The following MDFIC variants were observed in gnomAD, a reference collection of about 807,000 sequenced individuals.
MDFIC encodes the protein MyoD family inhibitor domain containing.
MDFIC carries 17 observed loss-of-function variants against 23.2 expected under a neutral mutation model. That is an observed-to-expected ratio of 0.73 (90% CI 0.50 to 1.10). The LOEUF (loss-of-function observed/expected upper bound fraction) is 1.10, where lower values mean the gene tolerates loss of function less well. Ranked by LOEUF, MDFIC falls within the 50% of genes least tolerant of loss-of-function variation. MDFIC has a pLI of 0.00. For synonymous variants in MDFIC, 120 were observed against 115.2 expected, an observed-to-expected ratio of 1.04 and a Z score of -0.27; for missense variants, 356 against 316.6, an observed-to-expected ratio of 1.12 and a Z score of -0.95.
At chr7:114,946,749 T>C (rs1007732550) in intron 3 of MDFIC, among the ~76,000 whole-genome samples, 2 of 152,192 alleles carry the variant, frequency 1.3e-5, no homozygotes, top group African/African-American at 2.4e-5. Context: ...CTCACCCTTA[T>C]GGAGCTGCCG....
intron 3 of MDFIC, among the ~76,000 whole-genome samples, chr7:114,964,160 G>A (rs1328390296): frequency 2.6e-5 from 4 of 152,078 alleles, no homozygotes; most frequent in African/African-American, 9.7e-5. Flanking sequence ...TTAATGTGAG[G>A]TCTATGGTGA....
chr7:114,939,529 T>C (rs1792497249), intron 2 of MDFIC, among the ~76,000 whole-genome samples: 1 of 152,194 alleles, frequency 6.6e-6, no homozygotes, highest in African/African-American at 2.4e-5. Flanking sequence ...GAAACTTTCT[T>C]AAAAATGTGA....
intron 4 of MDFIC, among the ~76,000 whole-genome samples, chr7:114,997,390 G>GCTT (rs780869992): frequency 1.3e-5 from 2 of 151,800 alleles, no homozygotes; most frequent in Non-Finnish European, 2.9e-5. Context: ...TTGTAGGGGA[G>GCTT]TGTATGTGCA....
intron 4 of MDFIC, among the ~76,000 whole-genome samples, chr7:115,006,138 C>T (rs1166198852): frequency 6.6e-6 from 1 of 152,120 alleles, no homozygotes; most frequent in Admixed American, 6.5e-5. Flanking sequence ...GGGATGCTGC[C>T]CTTGCCTCCA....
chr7:114,970,022 C>T (rs1406967303), intron 3 of MDFIC, among the ~76,000 whole-genome samples: 1 of 152,182 alleles, frequency 6.6e-6, no homozygotes, highest in Non-Finnish European at 1.5e-5. Context: ...AAGTACAGTG[C>T]TGGTCTAGGG....
intron 3 of MDFIC, among the ~76,000 whole-genome samples, chr7:114,953,146 AG>A (rs1264479421): frequency 2.6e-5 from 4 of 152,212 alleles, no homozygotes; most frequent in African/African-American, 9.6e-5. Flanking sequence ...TCAGTATTTT[AG>A]CCAATTTGTG....
chr7:114,993,151 A>C lies in MDFIC; in HGVS notation c.493+13370A>C, dbSNP rs71484851. Among the ~76,000 whole-genome samples, 28 of 152,276 alleles carry C rather than the reference A, an allele frequency of 1.8e-4. No individual in the cohort carries two copies. The Middle Eastern group carries it at 0.01, about 56-fold the overall frequency. ...AGTTTATTTGTGTAGAGGTGTTTAT[A>C]GTATTCTCTGATGGTAGTTTGTATT... On this transcript the variant is annotated intron_variant, in intron 4 of 4. Transcript: ENST00000393486.
At chr7:114,959,135 C>G (rs553389546) in intron 3 of MDFIC, among the ~76,000 whole-genome samples, 1 of 152,120 alleles carries the variant, frequency 6.6e-6, no homozygotes, top group East Asian at 1.9e-4. Flanking sequence ...AACATAAGAC[C>G]AACTATTACT....
chr7:114,951,247 TC>T (rs869270308), intron 3 of MDFIC, among the ~76,000 whole-genome samples: 6 of 42,908 alleles, frequency 1.4e-4, no homozygotes, highest in South Asian at 8.9e-4. Context: ...TCTGGTCATC[TC>T]TGGTTCTTTG....
At chr7:114,923,567 A>G in intron 2 of MDFIC, 4 of 1,533,046 alleles carry the variant, frequency 2.6e-6, no homozygotes, top group Middle Eastern at 1.7e-4. Context: ...TTGATAATTC[A>G]GGTTTCTGTG....
intron 3 of MDFIC, among the ~76,000 whole-genome samples, chr7:114,978,658 T>G (rs766773956): frequency 6.6e-6 from 1 of 152,070 alleles, no homozygotes; most frequent in Non-Finnish European, 1.5e-5. Context: ...GACTTTCAGT[T>G]TTTATAGTCT....
intron 4 of MDFIC, among the ~76,000 whole-genome samples, chr7:115,007,351 C>T (rs1791588986): frequency 6.6e-6 from 1 of 152,040 alleles, no homozygotes. Context: ...TAATCTTCAT[C>T]ATAACCCTAT....
chr7:114,993,792 G>A (rs1378365459), intron 4 of MDFIC, among the ~76,000 whole-genome samples: 1 of 152,214 alleles, frequency 6.6e-6, no homozygotes, highest in Non-Finnish European at 1.5e-5. Flanking sequence ...TTTGGAATAA[G>A]TGCGATATGG....
At chr7:114,934,440 A>G (rs1245490717) in intron 2 of MDFIC, among the ~76,000 whole-genome samples, 7 of 152,286 alleles carry the variant, frequency 4.6e-5, no homozygotes, top group Middle Eastern at 6.8e-3. Flanking sequence ...ATTCCTTCGC[A>G]TATTTATACT....
chr7:115,012,933 C>G (rs371495770), intron 4 of MDFIC, among the ~76,000 whole-genome samples: 3 of 151,946 alleles, frequency 2.0e-5, no homozygotes, highest in Non-Finnish European at 2.9e-5. Flanking sequence ...GAGCCAAGAT[C>G]GCGCCACTGC....
At chr7:114,989,729 T>A (rs957611885) in intron 4 of MDFIC, among the ~76,000 whole-genome samples, 2 of 152,190 alleles carry the variant, frequency 1.3e-5, no homozygotes, top group African/African-American at 4.8e-5. Flanking sequence ...TTTAGAAGAC[T>A]TCTCAGTAAC....
intron 3 of MDFIC, among the ~76,000 whole-genome samples, chr7:114,963,220 A>G (rs1361218794): frequency 1.3e-5 from 2 of 152,154 alleles, no homozygotes; most frequent in Non-Finnish European, 2.9e-5. Flanking sequence ...TTGGAAGACT[A>G]TTGCTGGGAA....
chr7:114,987,341 G>T (rs1793532606), intron 4 of MDFIC, among the ~76,000 whole-genome samples: 1 of 152,028 alleles, frequency 6.6e-6, no homozygotes, highest in Non-Finnish European at 1.5e-5. Context: ...GCCTATAATT[G>T]TAGAAGTACT....
Position 114,922,982 on chromosome 7 carries a change from C to T in MDFIC, c.-52C>T, listed in dbSNP as rs770790372. 2 of 1,538,632 alleles carry T rather than the reference C, an allele frequency of 1.3e-6. No homozygotes were observed. Among genetic ancestry groups the T allele is most frequent in the East Asian group, 5.4e-5 (2 of 37,126 alleles). ...ACAGCCCTTCCTCCGTGCGCCCTGCCGGGCGGCGAGCTAGGCGGCAGCGGC... is the reference window on the plus strand; with the variant it reads ...ACAGCCCTTCCTCCGTGCGCCCTGCTGGGCGGCGAGCTAGGCGGCAGCGGC... On this transcript the variant is annotated 5_prime_UTR_variant, in exon 2 of 5. Transcript: ENST00000393486.
Sources: gnomAD v4.1 joint callset for allele counts (sites outside exome capture counted in the v4.1 genomes callset) on GRCh38, gnomAD v4.1.1 for gene constraint, MANE v1.5 for transcripts, NCBI Gene and HGNC (gene_info 2026-07-23, HGNC 2026-07-21) for gene names.